The following LRP1B variants were observed in gnomAD, a reference collection of about 807,000 sequenced individuals.
The protein encoded by LRP1B is LDL receptor related protein 1B.
A neutral mutation model predicts 556.6 loss-of-function variants in LRP1B; 217 were observed. That is an observed-to-expected ratio of 0.39 (90% CI 0.35 to 0.44). The LOEUF is 0.44. LRP1B is among the 20% of genes least tolerant of loss of function. LRP1B has a pLI of 1.00. For missense variants in LRP1B, 5,053 were observed against 5,620.8 expected (o/e 0.90, Z 3.23); for synonymous variants, 2,047 against 1,865.8 (o/e 1.10, Z -2.50).
At chr2:142,115,564 AATATATATTATATATGTAAT>A (rs1574702349) in intron 1 of LRP1B, among the ~76,000 whole-genome samples, 1 of 40,998 alleles carries the variant, frequency 2.4e-5, no homozygotes, top group Non-Finnish European at 4.4e-5. Flanking sequence ...TTATATATGT[AATATATATTATATATGTAAT>A]ATATATATTA....
intron 1 of LRP1B, among the ~76,000 whole-genome samples, chr2:142,109,984 A>G (rs527450275): frequency 6.6e-6 from 1 of 152,258 alleles, no homozygotes; most frequent in Non-Finnish European, 1.5e-5. Context: ...AAAGCTGTAT[A>G]GAATGATATG....
intron 15 of LRP1B, among the ~76,000 whole-genome samples, chr2:140,996,811 G>A (rs892254222): frequency 6.6e-6 from 1 of 151,870 alleles, no homozygotes; most frequent in Admixed American, 6.6e-5. Context: ...AAAGACAAAG[G>A]GATATGTAGA....
chr2:141,457,871 GAC>G (rs1681691359), intron 3 of LRP1B, among the ~76,000 whole-genome samples: 1 of 152,160 alleles, frequency 6.6e-6, no homozygotes, highest in Non-Finnish European at 1.5e-5. Flanking sequence ...GGGGTACAAA[GAC>G]AGAGAAAAGT....
At chr2:140,658,910 C>T (rs534044134) in intron 41 of LRP1B, among the ~76,000 whole-genome samples, 5 of 151,766 alleles carry the variant, frequency 3.3e-5, no homozygotes, top group Admixed American at 3.3e-4. Flanking sequence ...AGATAATGGG[C>T]TGTTTATGAA....
intron 7 of LRP1B, among the ~76,000 whole-genome samples, chr2:141,152,053 A>G (rs1257842528): frequency 6.6e-6 from 1 of 152,076 alleles, no homozygotes; most frequent in African/African-American, 2.4e-5. Flanking sequence ...AATGTATAAC[A>G]CAGTAAGAAA....
chr2:141,746,996 A>C (rs1199729728), intron 2 of LRP1B, among the ~76,000 whole-genome samples: 1 of 152,192 alleles, frequency 6.6e-6, no homozygotes, highest in East Asian at 1.9e-4. Context: ...TGTTAAAAAA[A>C]ATCTGAAAAG....
At chr2:140,404,306 C>T (rs933970832) in intron 66 of LRP1B, among the ~76,000 whole-genome samples, 1 of 150,848 alleles carries the variant, frequency 6.6e-6, no homozygotes, top group African/African-American at 2.4e-5. Flanking sequence ...TCCCGAGTAG[C>T]TGAGACTTCA....
At chr2:140,970,054 A>G (rs1696365625) in intron 18 of LRP1B, among the ~76,000 whole-genome samples, 1 of 151,978 alleles carries the variant, frequency 6.6e-6, no homozygotes, top group South Asian at 2.1e-4. Context: ...TATTTCCTGA[A>G]TTTGAATGTT....
chr2:141,624,032 T>TAAAAAAAAAAAAAAAAAAAAA (rs761446527), intron 2 of LRP1B, among the ~76,000 whole-genome samples: 1 of 14,450 alleles, frequency 6.9e-5, no homozygotes, highest in Non-Finnish European at 1.7e-4. Context: ...AAAAAAAAAT[T>TAAAAAAAAAAAAAAAAAAAAA]AAACAAAAAA....
intron 1 of LRP1B, among the ~76,000 whole-genome samples, chr2:142,011,220 T>C (rs1288543697): frequency 6.6e-6 from 1 of 152,234 alleles, no homozygotes; most frequent in Non-Finnish European, 1.5e-5. Context: ...ATCTCTGATA[T>C]ATGCTTAAAA....
intron 66 of LRP1B, among the ~76,000 whole-genome samples, chr2:140,391,769 GTACA>G (rs750240558): frequency 2.0e-5 from 3 of 152,016 alleles, no homozygotes; most frequent in African/African-American, 4.8e-5. Context: ...GCAAAAAAAA[GTACA>G]TACAAAGTAC....
intron 10 of LRP1B, among the ~76,000 whole-genome samples, chr2:141,052,971 A>C (rs1699079111): frequency 6.6e-6 from 1 of 152,008 alleles, no homozygotes; most frequent in South Asian, 2.1e-4. Context: ...CTTAATTGGT[A>C]ATTGATAAAC....
intron 41 of LRP1B, among the ~76,000 whole-genome samples, chr2:140,607,598 G>C (rs1682914396): frequency 6.6e-6 from 1 of 151,048 alleles, no homozygotes; most frequent in African/African-American, 2.4e-5. Flanking sequence ...AAAAACTGAA[G>C]CACACATATA....
chr2:140,303,712 GGTTT>G (rs1245470937), intron 83 of LRP1B, among the ~76,000 whole-genome samples: 1 of 151,810 alleles, frequency 6.6e-6, no homozygotes, highest in Non-Finnish European at 1.5e-5. Context: ...ACAACATGCG[GGTTT>G]GTTACATAGG....
At chr2:142,062,108 T>G (rs1445405750) in intron 1 of LRP1B, among the ~76,000 whole-genome samples, 2 of 151,918 alleles carry the variant, frequency 1.3e-5, no homozygotes, top group Non-Finnish European at 1.5e-5. Flanking sequence ...ACTAGCTCCT[T>G]TATACACCAG....
intron 1 of LRP1B, among the ~76,000 whole-genome samples, chr2:141,950,831 A>G (rs1023735570): frequency 2.0e-5 from 3 of 152,154 alleles, no homozygotes; most frequent in African/African-American, 4.8e-5. Flanking sequence ...AATGAAAGTC[A>G]ACTAACTTTT....
In LRP1B at chr2:141,488,633, A is replaced by AT. The variant is rs199569677; in HGVS notation, c.206-8101dup. 7.5e-3 allele frequency among the ~76,000 whole-genome samples: 1,134 copies of AT among 151,476 alleles called. 14 individuals are homozygous for AT. Among genetic ancestry groups the AT allele is most frequent in the African/African-American group, 0.026 (1,086 of 41,252 alleles). ...GTCACCAAACCTGGCTAATTCTTTT[A>AT]TTTTTTTTGTACAGACAGGGTCTCA... is the stretch of plus-strand genomic sequence containing the variant. On this transcript the variant is annotated intron_variant, in intron 2 of 90. Coordinates refer to ENST00000389484, the MANE Select transcript of LRP1B (RefSeq NM_018557.3).
chr2:141,023,725 C>T (rs2105402734), intron 11 of LRP1B, among the ~76,000 whole-genome samples: 2 of 151,970 alleles, frequency 1.3e-5, no homozygotes, highest in South Asian at 4.1e-4. Flanking sequence ...AGCTGGACCT[C>T]CAGAAATGAT....
In LRP1B at chr2:140,637,437, GT is replaced by G. The variant is rs1684108972; in HGVS notation, c.6800-35799del. Among the ~76,000 whole-genome samples, 3 of 152,146 alleles carry G rather than the reference GT, an allele frequency of 2.0e-5. No homozygotes were observed. The South Asian group carries it at 6.2e-4, about 32-fold the overall frequency. Reference sequence around the variant, plus strand: ...ATAATTTTGATTCTTCTTTGAACATGTTTAGATATTTTTCTTTAGAACTATC... The same window carrying G: ...ATAATTTTGATTCTTCTTTGAACATGTTAGATATTTTTCTTTAGAACTATC... On this transcript the variant is annotated intron_variant, in intron 41 of 90. Transcript: ENST00000389484.
Sources: gnomAD v4.1 joint callset for allele counts (sites outside exome capture counted in the v4.1 genomes callset) on GRCh38, gnomAD v4.1.1 for gene constraint, MANE v1.5 for transcripts, NCBI Gene and HGNC (gene_info 2026-07-23, HGNC 2026-07-21) for gene names.